ADK: variants seen among roughly 807,000 people sequenced by gnomAD.
ADK encodes adenosine kinase.
A neutral mutation model predicts 44.7 loss-of-function variants in ADK; 24 were observed. The observed-to-expected ratio is 0.54, with a 90% CI of 0.39 to 0.76. ADK has a LOEUF of 0.76. Among genes scored for constraint, ADK ranks in the 30% least tolerant of loss-of-function variants. The pLI is 0.00. For synonymous variants in ADK, 128 were observed against 142.6 expected (o/e 0.90, Z 0.73); for missense variants, 321 against 425.1 (o/e 0.76, Z 2.15).
intron 9 of ADK, among the ~76,000 whole-genome samples, chr10:74,654,375 C>T (rs1440938577): frequency 6.6e-6 from 1 of 152,204 alleles, no homozygotes; most frequent in African/African-American, 2.4e-5. Context: ...TCCTATTCTC[C>T]CGCCCTAAGA....
At chr10:74,671,274 T>C (rs1855171897) in intron 10 of ADK, among the ~76,000 whole-genome samples, 1 of 151,764 alleles carries the variant, frequency 6.6e-6, no homozygotes, top group South Asian at 2.1e-4. Context: ...CTCAGCTCAC[T>C]GCAACCTCCA....
intron 3 of ADK, among the ~76,000 whole-genome samples, chr10:74,240,398 G>GTGTGTGTGTC (rs1248887045): frequency 9.2e-5 from 14 of 151,506 alleles, no homozygotes; most frequent in African/African-American, 2.7e-4. Flanking sequence ...GTGTGTGTGT[G>GTGTGTGTGTC]TGTCTGTGTG....
At chr10:74,659,965 G>A (rs2134165300) in intron 9 of ADK, among the ~76,000 whole-genome samples, 1 of 152,176 alleles carries the variant, frequency 6.6e-6, no homozygotes, top group East Asian at 1.9e-4. Flanking sequence ...TTGACCCTCA[G>A]TATTAACCAT....
rs557852199 is a variant in ADK, at chr10:74,348,868, A to T, written c.273+34123A>T. 1.5e-3 allele frequency among the ~76,000 whole-genome samples: 227 copies of T among 152,128 alleles called. 1 individual carries two copies. Among genetic ancestry groups the T allele is most frequent in the Non-Finnish European group, 2.4e-3 (166 of 68,002 alleles). ...TGTGAAGACAAGATTAGAGAAAAAA[A>T]AAATAAAATGGAATGAACAAAACCT... On this transcript the variant is annotated intron_variant, in intron 4 of 10. Transcript: ENST00000539909.
At chr10:74,635,094 G>C (rs1589318570) in intron 9 of ADK, among the ~76,000 whole-genome samples, 1 of 152,312 alleles carries the variant, frequency 6.6e-6, no homozygotes, top group African/African-American at 2.4e-5. Context: ...TGGCTGTAAG[G>C]TTTCCCACTT....
At chr10:74,414,259 T>C (rs895135463) in intron 6 of ADK, among the ~76,000 whole-genome samples, 1 of 152,192 alleles carries the variant, frequency 6.6e-6, no homozygotes, top group African/African-American at 2.4e-5. Context: ...AAATAAGGTA[T>C]GCTTATACCA....
chr10:74,451,598 T>G (rs1336026924), intron 6 of ADK, among the ~76,000 whole-genome samples: 4 of 152,130 alleles, frequency 2.6e-5, no homozygotes, highest in Non-Finnish European at 5.9e-5. Context: ...TCACACCTGA[T>G]TCACTTCTGC....
intron 1 of ADK, among the ~76,000 whole-genome samples, chr10:74,195,703 CTTTCT>C (rs748429863): frequency 0.19 from 20,222 of 104,854 alleles, 1,610 homozygotes; most frequent in African/African-American, 0.28. Context: ...TTTTTCTTTT[CTTTCT>C]TTTTTTTTTT....
intron 1 of ADK, among the ~76,000 whole-genome samples, chr10:74,192,922 AT>A (rs1842998702): frequency 6.6e-6 from 1 of 152,152 alleles, no homozygotes; most frequent in South Asian, 2.1e-4. Context: ...GTGTAGTGTG[AT>A]TCTTTAATTT....
At chr10:74,424,399 C>A (rs1293979515) in intron 6 of ADK, among the ~76,000 whole-genome samples, 3 of 151,472 alleles carry the variant, frequency 2.0e-5, no homozygotes, top group African/African-American at 7.3e-5. Flanking sequence ...CCGGGCATGG[C>A]AGCACATGCC....
chr10:74,595,156 A>G (rs1345259683), intron 8 of ADK, among the ~76,000 whole-genome samples: 1 of 147,866 alleles, frequency 6.8e-6, no homozygotes, highest in Non-Finnish European at 1.5e-5. Context: ...AGCCTGGGCA[A>G]CAAGAGCCAA....
intron 7 of ADK, among the ~76,000 whole-genome samples, chr10:74,571,021 C>A (rs1315930622): frequency 1.3e-5 from 2 of 152,124 alleles, no homozygotes; most frequent in African/African-American, 4.8e-5. Context: ...TTATCAAAGG[C>A]CTTTTCTGCA....
chr10:74,529,176 TTAAA>T (rs1849182055), intron 7 of ADK: 1 of 152,194 alleles, frequency 6.6e-6, no homozygotes, highest in Non-Finnish European at 1.5e-5. Flanking sequence ...TTATTTAGCC[TTAAA>T]TAAAATTTTG....
chr10:74,174,677 G>A (rs1180815593), intron 1 of ADK: 2 of 152,226 alleles, frequency 1.3e-5, no homozygotes, highest in African/African-American at 2.4e-5. Flanking sequence ...CTGCTGCTTT[G>A]CTTCAGATCC....
rs750726079 is a variant in ADK at position 74,406,984 on chromosome 10, C to CT, written c.555+8421dup. ...GTGGGCCACTGTGCCTGGCCTCTTT[C>CT]TTTTTTTTTTTTTTTTCAGACAAGT... On this transcript the variant is annotated intron_variant, in intron 6 of 10. Coordinates refer to ENST00000539909, the MANE Select transcript of ADK (RefSeq NM_006721.4). Among the ~76,000 whole-genome samples the CT allele has an allele frequency of 6.8e-3, 851 of 124,504 alleles. 6 individuals carry two copies. Among genetic ancestry groups the CT allele is most frequent in the African/African-American group, 0.016 (534 of 33,896 alleles). 81.7% of individuals were successfully genotyped at this position (124,504 alleles called of 152,430 possible).
At chr10:74,421,602 T>G (rs566083136) in intron 6 of ADK, among the ~76,000 whole-genome samples, 1 of 152,300 alleles carries the variant, frequency 6.6e-6, no homozygotes, top group Admixed American at 6.5e-5. Context: ...CAAACACATC[T>G]AACGCTCACA....
chr10:74,151,809 C>T (rs756945581), intron 1 of ADK, among the ~76,000 whole-genome samples: 1 of 152,226 alleles, frequency 6.6e-6, no homozygotes, highest in Non-Finnish European at 1.5e-5. Context: ...CCTTTTCGTG[C>T]ACATTCTGAA....
At chr10:74,273,034 G>C (rs1846498608) in intron 3 of ADK, among the ~76,000 whole-genome samples, 1 of 152,182 alleles carries the variant, frequency 6.6e-6, no homozygotes, top group Non-Finnish European at 1.5e-5. Flanking sequence ...AAAAATGGTT[G>C]AAACAGGAGT....
chr10:74,691,784 T>A (rs1456170165), intron 10 of ADK, among the ~76,000 whole-genome samples: 1 of 152,212 alleles, frequency 6.6e-6, no homozygotes, highest in African/African-American at 2.4e-5. Flanking sequence ...GAGGTTTTTC[T>A]TTTAAGTAAA....
Sources: gnomAD v4.1 joint callset for allele counts (sites outside exome capture counted in the v4.1 genomes callset) on GRCh38, gnomAD v4.1.1 for gene constraint, MANE v1.5 for transcripts, NCBI Gene and HGNC (gene_info 2026-07-23, HGNC 2026-07-21) for gene names.